The following ATP11B variants were observed in gnomAD, a reference collection of about 807,000 sequenced individuals.
The protein encoded by ATP11B is phospholipid-transporting ATPase IF.
ATP11B carries 81 observed loss-of-function variants against 157.8 expected under a neutral mutation model. That is an observed-to-expected ratio of 0.51 (90% CI 0.43 to 0.62). ATP11B has a LOEUF of 0.62. Ranked by LOEUF, ATP11B falls within the 20% of genes least tolerant of loss-of-function variation. The probability of loss-of-function intolerance (pLI) is 0.00; values close to 1 mark genes in which losing one functional copy is unlikely to be tolerated. For missense variants in ATP11B, 1,165 were observed against 1,402.2 expected, an observed-to-expected ratio of 0.83 and a Z score of 2.70; for synonymous variants, 451 against 469.4, an observed-to-expected ratio of 0.96 and a Z score of 0.51.
chr3:182,915,132 T>G (rs1005858460), intron 29 of ATP11B: 2 of 985,228 alleles, frequency 2.0e-6, no homozygotes, highest in African/African-American at 3.5e-5. Context: ...ATGATATCAT[T>G]CATCTGTTAT....
chr3:182,890,769 CTG>C (rs1283629884), intron 25 of ATP11B, among the ~76,000 whole-genome samples: 2 of 152,080 alleles, frequency 1.3e-5, no homozygotes, highest in Non-Finnish European at 2.9e-5. Context: ...AATCATAACT[CTG>C]TATGAGAAAA....
At chr3:182,793,869 G>A in intron 1 of ATP11B, 83 bp downstream of exon 1, 1 of 990,914 alleles carries the variant, frequency 1.0e-6, no homozygotes, top group Non-Finnish European at 1.3e-6. Context: ...GGCCGGCGGC[G>A]CGGAGCCGGG....
At position 182,862,543 on chromosome 3, in the gene ATP11B, C is replaced by T. The variant is rs546710980; in HGVS notation, c.1201-2913C>T. Among the ~76,000 whole-genome samples, 271 of 152,210 alleles carry T rather than the reference C, an allele frequency of 1.8e-3. 1 individual carries two copies. The highest frequency in any genetic ancestry group is 6.0e-3 in the African/African-American group (248 of 41,540). On this transcript the variant is annotated intron_variant, in intron 12 of 29. Coordinates refer to ENST00000323116, the MANE Select transcript of ATP11B (RefSeq NM_014616.3). The stretch of plus-strand genomic sequence containing the variant: ...AGCTGTTGCTCCAATAAATGAGGGG[C>T]GTTCTGAAGTTTGCAACTTTTAAAG...
intron 25 of ATP11B, among the ~76,000 whole-genome samples, chr3:182,891,225 T>C (rs1436367516): frequency 6.6e-6 from 1 of 151,642 alleles, no homozygotes; most frequent in Non-Finnish European, 1.5e-5. Flanking sequence ...GGGAGGAGAG[T>C]TAAGAAGAAG....
intron 17 of ATP11B, among the ~76,000 whole-genome samples, chr3:182,872,047 C>T (rs927677826): frequency 5.9e-5 from 9 of 152,220 alleles, no homozygotes; most frequent in African/African-American, 2.2e-4. Context: ...GATCTCCTGA[C>T]CTCATGATCC....
chr3:182,820,230 T>C (rs779333950), intron 1 of ATP11B, 30 bp from the exon 2 acceptor site: 1 of 1,438,046 alleles, frequency 7.0e-7, no homozygotes, highest in Non-Finnish European at 9.8e-7. Flanking sequence ...TTGACTAGTA[T>C]TTCTTTTTCT....
chr3:182,895,241 G>GAT (rs1192011059), intron 25 of ATP11B, among the ~76,000 whole-genome samples: 8 of 152,026 alleles, frequency 5.3e-5, no homozygotes, highest in Admixed American at 2.0e-4. Context: ...CATTTCTAGA[G>GAT]ATGATAAAAG....
Position 182,859,242 on chromosome 3 carries a change from C to G in ATP11B, c.1083C>G (p.Val361=). The change falls in exon 12 of 30, where the codon GTC becomes GTG. Residue 361 remains valine (V), a synonymous_variant. Transcript: ENST00000323116. Reference sequence around the variant, plus strand: ...TTCCAATTTCATTATATGTGACAGTCGAAATGCAGAAATTTCTTGGATCAT... The same window carrying G: ...TTCCAATTTCATTATATGTGACAGTGGAAATGCAGAAATTTCTTGGATCAT... ...FIIPISLYVT[V]EMQKFLGSFF... is the part of the protein sequence containing the mutation. The G allele has an allele frequency of 2.5e-6, 4 of 1,612,348 alleles. No homozygotes were observed. The highest frequency in any genetic ancestry group is 2.5e-6 in the Non-Finnish European group (3 of 1,179,036).
chr3:182,838,778 C>A (rs1718764015), intron 7 of ATP11B, among the ~76,000 whole-genome samples: 2 of 146,640 alleles, frequency 1.4e-5, no homozygotes, highest in African/African-American at 5.2e-5. Flanking sequence ...CATATATGTG[C>A]TATATATTAT....
In ATP11B at chr3:182,793,782, A is replaced by C; in HGVS notation, c.23A>C (p.Gln8Pro). The C allele has an allele frequency of 7.1e-7, 1 of 1,399,438 alleles. No individual in the cohort carries two copies. Among genetic ancestry groups the C allele is most frequent in the Non-Finnish European group, 9.3e-7 (1 of 1,070,208 alleles). The allele number at this position is 1,399,438 out of a possible 1,614,324, so 86.7% of individuals were successfully genotyped here. A position where few individuals can be genotyped will look rare whatever the true frequency, so the allele number is the denominator to read the frequency against. Reference sequence around the variant, plus strand: ...GGAATGTGGCGCTGGATCCGGCAGCAGCTGGTAGGTGCCCCCGCCCCTCCA... The same window carrying C: ...GGAATGTGGCGCTGGATCCGGCAGCCGCTGGTAGGTGCCCCCGCCCCTCCA... Reference protein sequence around the residue: MWRWIRQQLGFDPPHQSD... With the variant: MWRWIRQPLGFDPPHQSD... Residue 8 changes from glutamine to proline, a missense_variant, in exon 1 of 30, where the codon CAG (glutamine) becomes CCG (proline). This residue lies in a region of ATP11B where 91 missense variants were observed against 95.8 expected (regional missense o/e 0.95). Coordinates refer to ENST00000323116, the MANE Select transcript of ATP11B (RefSeq NM_014616.3).
chr3:182,917,924 T>C (rs1270333698), intron 29 of ATP11B, 99 bp from the exon 30 acceptor site: 26 of 1,492,332 alleles, frequency 1.7e-5, no homozygotes, highest in Non-Finnish European at 2.1e-5. Context: ...AATGAATCAA[T>C]CAGTGATTGC....
chr3:182,846,675 A>G (rs1268519900), intron 9 of ATP11B, among the ~76,000 whole-genome samples: 2 of 152,248 alleles, frequency 1.3e-5, no homozygotes, highest in Non-Finnish European at 2.9e-5. Flanking sequence ...ATGCTACAGT[A>G]TGGATGAACC....
At chr3:182,914,702 G>T in intron 29 of ATP11B, 3 of 985,204 alleles carry the variant, frequency 3.0e-6, no homozygotes, top group Non-Finnish European at 3.6e-6. Flanking sequence ...CTGCTGTTGT[G>T]CACCATAACG....
chr3:182,902,557 G>A (rs1724041096), intron 28 of ATP11B: 2 of 1,289,208 alleles, frequency 1.6e-6, no homozygotes, highest in African/African-American at 3.0e-5. Context: ...AATCAGCTGA[G>A]CAAACTTAGG....
At chr3:182,832,999 C>T (rs1047742606) in intron 4 of ATP11B, among the ~76,000 whole-genome samples, 1 of 151,730 alleles carries the variant, frequency 6.6e-6, no homozygotes, top group African/African-American at 2.4e-5. Context: ...TATTTCAAAT[C>T]AGTAGGTAAA....
chr3:182,888,923 C>T (rs956471638), intron 24 of ATP11B, among the ~76,000 whole-genome samples: 7 of 147,472 alleles, frequency 4.7e-5, no homozygotes, highest in African/African-American at 1.5e-4. Flanking sequence ...AGTGCAGTGG[C>T]GTGATCTTAG....
At chr3:182,914,352 T>A (rs1172262414) in intron 29 of ATP11B, 17 of 978,400 alleles carry the variant, frequency 1.7e-5, no homozygotes, top group South Asian at 9.4e-5. Flanking sequence ...TTTATTTTTT[T>A]AAAATTTTTT....
Position 182,829,016 on chromosome 3 carries a change from G to GA in ATP11B, c.235-650dup, listed in dbSNP as rs201208832. On this transcript the variant is annotated intron_variant, in intron 3 of 29. Transcript: ENST00000323116. ...TTAGGAAACATTTACTTTTTAAAAA[G>GA]AAAAAATTGCTTTCTTTCATGAACA... Among the ~76,000 whole-genome samples the GA allele has an allele frequency of 9.4e-3, 1,424 of 152,098 alleles. 23 individuals carry two copies. The highest frequency in any genetic ancestry group is 0.033 in the African/African-American group (1,356 of 41,524).
intron 1 of ATP11B, among the ~76,000 whole-genome samples, chr3:182,810,257 A>G (rs1165308443): frequency 1.3e-5 from 2 of 152,076 alleles, no homozygotes; most frequent in Admixed American, 1.3e-4. Flanking sequence ...GCTTGAACCC[A>G]GGAGGTGGAG....
Sources: gnomAD v4.1 joint callset for allele counts (sites outside exome capture counted in the v4.1 genomes callset) on GRCh38, gnomAD v4.1.1 for gene constraint, gnomAD v4.1.1 regional missense constraint, MANE v1.5 for transcripts, NCBI Gene and HGNC (gene_info 2026-07-23, HGNC 2026-07-21) for gene names.